The following RAMAC variants were observed in gnomAD, a reference collection of about 807,000 sequenced individuals.
RAMAC encodes the protein RNA guanine-N7 methyltransferase activating subunit.
Under a neutral mutation model 17.9 loss-of-function variants are expected in RAMAC, and 11 were observed. That is an observed-to-expected ratio of 0.61 (90% CI 0.39 to 1.02). The LOEUF is 1.02. Ranked by LOEUF, RAMAC falls within the 50% of genes least tolerant of loss-of-function variation. RAMAC has a pLI of 0.01. For synonymous variants in RAMAC, 27 were observed against 48.4 expected (o/e 0.56, Z 1.84); for missense variants, 109 against 144.0 (o/e 0.76, Z 1.25).
Position 82,986,223 on chromosome 15 carries a change from A to AT in RAMAC, c.-201dup, listed in dbSNP as rs1441925971. 3.9e-6 allele frequency: 2 copies of AT among 517,456 alleles called. No homozygotes were observed. The highest frequency in any genetic ancestry group is 5.0e-6 in the Non-Finnish European group (2 of 402,456). 32.1% of individuals were successfully genotyped at this position (517,456 alleles called of 1,614,324 possible). The stretch of plus-strand genomic sequence containing the variant: ...GAAGCGGAAGTCAGGTGGTTGTCGG[A>AT]TTTTAGAGGAAGGCGCTCGGTTACA... On this transcript the variant is annotated 5_prime_UTR_variant, in exon 1 of 4. Transcript: ENST00000304191.
chr15:82,988,079 G>A (rs1315416934), intron 2 of RAMAC, among the ~76,000 whole-genome samples: 1 of 147,704 alleles, frequency 6.8e-6, no homozygotes, highest in Admixed American at 6.9e-5. Context: ...GCTCATACCT[G>A]TAATCCCAGG....
chr15:82,988,662 G>A (rs762287817), intron 2 of RAMAC: 9 of 440,162 alleles, frequency 2.0e-5, no homozygotes, highest in African/African-American at 1.0e-4. Context: ...GCGAGATCCC[G>A]TCTCTTCAAA....
Position 82,989,015 on chromosome 15 carries a change from C to T in RAMAC, c.-4C>T. 2 of 1,595,730 alleles carry T rather than the reference C, an allele frequency of 1.3e-6. No homozygotes were observed. The highest frequency in any genetic ancestry group is 8.5e-7 in the Non-Finnish European group (1 of 1,172,458). On this transcript the variant is annotated 5_prime_UTR_variant, in exon 3 of 4. Transcript: ENST00000304191. ...ATGTCTTTAAAATTGTACAGATTTTCAGAATGACTGACACTGCCGAAGCTG... is the reference window on the plus strand; with the variant it reads ...ATGTCTTTAAAATTGTACAGATTTTTAGAATGACTGACACTGCCGAAGCTG...
chr15:82,990,814 C>G lies in RAMAC; in HGVS notation c.*747C>G, dbSNP rs2030827852. ...AAAGTTTAACTCTGTACTGTTCACA[C>G]TTTTTAATCCTGTAAATAATGCTGC... On this transcript the variant is annotated 3_prime_UTR_variant, in exon 4 of 4. Transcript: ENST00000304191. 1.8e-6 allele frequency: 1 copy of G among 546,262 alleles called. No individual in the cohort carries two copies. 33.8% of individuals were successfully genotyped at this position (546,262 alleles called of 1,614,324 possible).
chr15:82,986,452 A>T (rs2030614411), intron 1 of RAMAC, 83 bp downstream of exon 1: 1 of 152,168 alleles, frequency 6.6e-6, no homozygotes, highest in Non-Finnish European at 1.5e-5. Context: ...CTGTGCGGTG[A>T]TCTGTACTCT....
At chr15:82,986,829 G>A (rs2030633630) in intron 1 of RAMAC, among the ~76,000 whole-genome samples, 1 of 152,150 alleles carries the variant, frequency 6.6e-6, no homozygotes, top group African/African-American at 2.4e-5. Flanking sequence ...GAACTATTTT[G>A]CTTTTGAAGG....
In RAMAC at chr15:82,990,197, CTT is replaced by C. The variant is rs1173143992; in HGVS notation, c.*132_*133del. The C allele has an allele frequency of 2.3e-5, 9 of 389,722 alleles. No homozygotes were observed. In the African/African-American group the frequency reaches 3.5e-4, roughly 15 times the overall value. 24.1% of individuals were successfully genotyped at this position (389,722 alleles called of 1,614,324 possible). A position where few individuals can be genotyped will look rare whatever the true frequency, so the allele number is the denominator to read the frequency against. On this transcript the variant is annotated 3_prime_UTR_variant, in exon 4 of 4. Coordinates refer to ENST00000304191, the MANE Select transcript of RAMAC (RefSeq NM_031452.4). ...ATTATTGATTTTTTGGAAGTTGAGA[CTT>C]TAAAAAAAATAGATCTTACTTGCGA...
intron 2 of RAMAC, chr15:82,988,690 G>A (rs1274945705): frequency 1.8e-5 from 8 of 451,668 alleles, no homozygotes; most frequent in East Asian, 7.1e-5. Context: ...AAAATTAGCC[G>A]GGTGTGGGTG....
intron 3 of RAMAC, among the ~76,000 whole-genome samples, chr15:82,989,586 A>C (rs1406401552): frequency 6.6e-6 from 1 of 152,236 alleles, no homozygotes; most frequent in Non-Finnish European, 1.5e-5. Context: ...CAAAGGAATA[A>C]ATTACCATAC....
At chr15:82,988,200 C>T (rs1317891599) in intron 2 of RAMAC, among the ~76,000 whole-genome samples, 3 of 149,640 alleles carry the variant, frequency 2.0e-5, no homozygotes, top group Admixed American at 6.7e-5. Context: ...TGTGGTGGCG[C>T]GTGCCTGTAA....
chr15:82,987,984 G>A (rs984440226), intron 2 of RAMAC, among the ~76,000 whole-genome samples: 6 of 145,446 alleles, frequency 4.1e-5, no homozygotes, highest in Admixed American at 7.2e-5. Flanking sequence ...GCAGTGAGCC[G>A]AGATCGCGCC....
At chr15:82,989,506 ATT>A (rs1034762426) in intron 3 of RAMAC, among the ~76,000 whole-genome samples, 2 of 152,338 alleles carry the variant, frequency 1.3e-5, no homozygotes, top group Non-Finnish European at 2.9e-5. Context: ...TAAAGAAAAC[ATT>A]GTTTCGATTT....
Position 82,989,890 on chromosome 15 carries a change from C to A in RAMAC, c.180C>A (p.Asp60Glu), listed in dbSNP as rs2030785439. Reference sequence around the variant, plus strand: ...TGTTTTATTGTTGTAGGTTGCAAGACAACAGACAGTTCAGAGGCAGGGACA... The same window carrying A: ...TGTTTTATTGTTGTAGGTTGCAAGAAAACAGACAGTTCAGAGGCAGGGACA... ...NQRNRGNRLQ[D>E]NRQFRGRDNR... Residue 60 changes from aspartate to glutamate, a missense_variant, in exon 4 of 4, where the codon GAC (aspartate) becomes GAA (glutamate). Asp to Glu is a conservative substitution (Grantham distance 45, BLOSUM62 2). Coordinates refer to ENST00000304191, the MANE Select transcript of RAMAC (RefSeq NM_031452.4). 6.2e-7 allele frequency: 1 copy of A among 1,611,948 alleles called. No homozygotes were observed. The highest frequency in any genetic ancestry group is 8.5e-7 in the Non-Finnish European group (1 of 1,179,188).
At chr15:82,987,746 A>G (rs984902922) in intron 2 of RAMAC, among the ~76,000 whole-genome samples, 1 of 152,210 alleles carries the variant, frequency 6.6e-6, no homozygotes, top group Non-Finnish European at 1.5e-5. Context: ...AGCCTGAAAG[A>G]TAAGAGTGTC....
chr15:82,988,252 C>G (rs2030708431), intron 2 of RAMAC, among the ~76,000 whole-genome samples: 1 of 150,066 alleles, frequency 6.7e-6, no homozygotes, highest in South Asian at 2.1e-4. Flanking sequence ...ATTGCTTGAA[C>G]CTGGGAGGCA....
intron 1 of RAMAC, among the ~76,000 whole-genome samples, chr15:82,986,878 C>T (rs1203714810): frequency 6.6e-6 from 1 of 152,174 alleles, no homozygotes; most frequent in Non-Finnish European, 1.5e-5. Flanking sequence ...CTCTTGAGAA[C>T]CAGTTCCCTC....
At chr15:82,988,035 C>CAAA (rs1293418063) in intron 2 of RAMAC, among the ~76,000 whole-genome samples, 26 of 55,034 alleles carry the variant, frequency 4.7e-4, no homozygotes, top group Admixed American at 1.3e-3. Context: ...AACTCCGTCT[C>CAAA]AAAAAAAAAA....
intron 1 of RAMAC, among the ~76,000 whole-genome samples, 163 bp downstream of exon 1, chr15:82,986,532 T>G (rs1160578421): frequency 6.6e-6 from 1 of 152,148 alleles, no homozygotes; most frequent in Admixed American, 6.5e-5. Context: ...ATAAGGTGCT[T>G]CGGAAGGGAG....
intron 3 of RAMAC, among the ~76,000 whole-genome samples, 182 bp from the exon 4 acceptor site, chr15:82,989,699 A>G (rs1420218220): frequency 6.6e-6 from 1 of 152,258 alleles, no homozygotes; most frequent in Non-Finnish European, 1.5e-5. Context: ...TAATACTGGA[A>G]GAATGATTTC....
Sources: gnomAD v4.1 joint callset for allele counts (sites outside exome capture counted in the v4.1 genomes callset) on GRCh38, gnomAD v4.1.1 for gene constraint, MANE v1.5 for transcripts, NCBI Gene and HGNC (gene_info 2026-07-23, HGNC 2026-07-21) for gene names.